ISOC1: variants seen among roughly 807,000 people sequenced by gnomAD.
The protein encoded by ISOC1 is isochorismatase domain-containing protein 1.
Under a neutral mutation model 30.0 loss-of-function variants are expected in ISOC1, and 33 were observed. The ratio of observed to expected loss-of-function variants is 1.10; its 90% CI spans 0.83 to 1.47. ISOC1 has a LOEUF of 1.47. ISOC1 is among the 40% of genes most tolerant of loss of function. The pLI is 0.00. For synonymous variants in ISOC1, 178 were observed against 159.8 expected, an observed-to-expected ratio of 1.11 and a Z score of -0.86; for missense variants, 372 against 388.0, an observed-to-expected ratio of 0.96 and a Z score of 0.35.
chr5:129,099,477 A>G (rs1364568851), intron 1 of ISOC1, among the ~76,000 whole-genome samples: 1 of 152,254 alleles, frequency 6.6e-6, no homozygotes, highest in African/African-American at 2.4e-5. Flanking sequence ...ATAAGAGCCA[A>G]TAAGTATTAT....
intron 1 of ISOC1, among the ~76,000 whole-genome samples, chr5:129,096,614 C>A (rs1230837233): frequency 6.6e-6 from 1 of 152,124 alleles, no homozygotes; most frequent in Middle Eastern, 3.2e-3. Context: ...TGTCTTCAAG[C>A]GTTTTCGTGT....
chr5:129,095,156 C>G, intron 1 of ISOC1, 81 bp downstream of exon 1: 3 of 1,370,632 alleles, frequency 2.2e-6, no homozygotes, highest in Non-Finnish European at 2.9e-6. Context: ...TCGCCGCGCT[C>G]CTCAGGTGCC....
rs369944688 is a variant in ISOC1 at position 129,094,796 on chromosome 5, G to A, written c.30G>A (p.Ala10=). ...CGGCTGCGGAGCCGGCGGTCCTTGCGCTCCCCAACAGCGGCGCCGGGGGCG... is the reference window on the plus strand; with the variant it reads ...CGGCTGCGGAGCCGGCGGTCCTTGCACTCCCCAACAGCGGCGCCGGGGGCG... MAAAEPAVL[A]LPNSGAGGAG... The change falls in exon 1 of 5, where the codon GCG becomes GCA. Residue 10 remains alanine, a synonymous_variant. Transcript: ENST00000173527. 1.3e-6 allele frequency: 2 copies of A among 1,523,446 alleles called. No homozygotes were observed. The highest frequency in any genetic ancestry group is 2.0e-5 in the Admixed American group (1 of 49,302). 94.4% of individuals were successfully genotyped at this position (1,523,446 alleles called of 1,614,324 possible). A position where few individuals can be genotyped will look rare whatever the true frequency, so the allele number is the denominator to read the frequency against.
chr5:129,104,817 A>G, intron 1 of ISOC1, 139 bp from the exon 2 acceptor site: 1 of 745,498 alleles, frequency 1.3e-6, no homozygotes, highest in Non-Finnish European at 2.1e-6. Flanking sequence ...TAATTCAGAT[A>G]CTTTTTTTGG....
intron 3 of ISOC1, 120 bp downstream of exon 3, chr5:129,105,508 C>A: frequency 1.3e-6 from 1 of 778,296 alleles, no homozygotes; most frequent in Non-Finnish European, 2.1e-6. Context: ...AGGTAGCCAC[C>A]ATGTATTATG....
Position 129,112,975 on chromosome 5 carries a change from G to A in ISOC1, c.871G>A (p.Glu291Lys). ...IQNLIKASAP[E>K]SGLLSKV ...GAATCTAATTAAGGCGAGTGCTCCAGAGTCGGGTCTGCTTTCCAAAGTATA... is the reference window on the plus strand; with the variant it reads ...GAATCTAATTAAGGCGAGTGCTCCAAAGTCGGGTCTGCTTTCCAAAGTATA... Residue 291 changes from glutamate to lysine, a missense_variant, in exon 5 of 5, where the codon GAG (glutamate) becomes AAG (lysine). Glu to Lys is a moderately conservative substitution (Grantham distance 56). Transcript: ENST00000173527. The A allele has an allele frequency of 2.5e-6, 4 of 1,613,538 alleles. No individual in the cohort carries two copies. The highest frequency in any genetic ancestry group is 3.4e-6 in the Non-Finnish European group (4 of 1,179,648).
chr5:129,097,400 T>C (rs1753516676), intron 1 of ISOC1, among the ~76,000 whole-genome samples: 1 of 152,084 alleles, frequency 6.6e-6, no homozygotes, highest in South Asian at 2.1e-4. Flanking sequence ...CACATACATA[T>C]ATATGCATAT....
chr5:129,108,897 T>C (rs925196114), intron 4 of ISOC1, among the ~76,000 whole-genome samples: 17 of 152,222 alleles, frequency 1.1e-4, no homozygotes, highest in Admixed American at 9.8e-4. Context: ...AATACTTCAT[T>C]GTCAGGTCCT....
intron 4 of ISOC1, among the ~76,000 whole-genome samples, chr5:129,107,731 A>C (rs775000574): frequency 6.6e-6 from 1 of 152,116 alleles, no homozygotes. Flanking sequence ...GCATCCAGGA[A>C]CCAGAGATGA....
chr5:129,099,256 A>T (rs1203463637), intron 1 of ISOC1, among the ~76,000 whole-genome samples: 1 of 152,168 alleles, frequency 6.6e-6, no homozygotes, highest in Non-Finnish European at 1.5e-5. Flanking sequence ...TGTAGATTCA[A>T]ATGTCATTGT....
At chr5:129,095,605 G>A (rs986987859) in intron 1 of ISOC1, among the ~76,000 whole-genome samples, 1 of 152,212 alleles carries the variant, frequency 6.6e-6, no homozygotes, top group African/African-American at 2.4e-5. Flanking sequence ...GGGCTTAAGA[G>A]TTCCCTAACC....
At chr5:129,098,601 GAC>G (rs1753535870) in intron 1 of ISOC1, among the ~76,000 whole-genome samples, 1 of 152,174 alleles carries the variant, frequency 6.6e-6, no homozygotes, top group East Asian at 1.9e-4. Flanking sequence ...GGCCAGGAAA[GAC>G]AGAGCCTGCA....
chr5:129,100,572 G>A (rs1373826987), intron 1 of ISOC1, among the ~76,000 whole-genome samples: 1 of 152,072 alleles, frequency 6.6e-6, no homozygotes, highest in Non-Finnish European at 1.5e-5. Flanking sequence ...TTTACTCCTG[G>A]TGACATTTGG....
chr5:129,099,243 C>T (rs3822830), intron 1 of ISOC1, among the ~76,000 whole-genome samples: 110,039 of 152,034 alleles, frequency 0.72, 41,198 homozygotes, highest in African/African-American at 0.92. Flanking sequence ...AAGGGAATCC[C>T]AATGTAGATT....
intron 1 of ISOC1, among the ~76,000 whole-genome samples, chr5:129,101,236 C>CT (rs1212746382): frequency 7.4e-6 from 1 of 135,012 alleles, no homozygotes; most frequent in Non-Finnish European, 1.5e-5. Context: ...TGGTTCACAC[C>CT]TGTAATCCCA....
rs534864154 is a variant in ISOC1, at chr5:129,096,324, A to T, written c.309+1249A>T. 3.9e-5 allele frequency among the ~76,000 whole-genome samples: 6 copies of T among 152,314 alleles called. No homozygotes were observed. In the South Asian group the frequency reaches 1.2e-3, roughly 32 times the overall value. On this transcript the variant is annotated intron_variant, in intron 1 of 4. Coordinates refer to ENST00000173527, the MANE Select transcript of ISOC1 (RefSeq NM_016048.2). ...ATTATCTGTGTTTTTTGTACCCATT[A>T]ACAGTGCCATTTTCTGAGGATTATT...
chr5:129,095,918 A>G (rs938524248), intron 1 of ISOC1, among the ~76,000 whole-genome samples: 2 of 152,344 alleles, frequency 1.3e-5, no homozygotes, highest in African/African-American at 2.4e-5. Flanking sequence ...AGGAAAGAAT[A>G]TAAGGTATAA....
At chr5:129,109,584 C>G (rs1753679623) in intron 4 of ISOC1, among the ~76,000 whole-genome samples, 1 of 152,158 alleles carries the variant, frequency 6.6e-6, no homozygotes, top group Non-Finnish European at 1.5e-5. Context: ...TTTGGAAGGG[C>G]CTGGAGCACC....
intron 1 of ISOC1, among the ~76,000 whole-genome samples, chr5:129,097,429 A>G (rs906897845): frequency 6.6e-6 from 1 of 152,156 alleles, no homozygotes; most frequent in Non-Finnish European, 1.5e-5. Context: ...AATCTCAGAA[A>G]GTCATGATAT....
Sources: allele counts gnomAD v4.1 joint callset (sites outside exome capture counted in the v4.1 genomes callset), GRCh38; gene constraint gnomAD v4.1.1; transcripts MANE v1.5; gene names NCBI Gene and HGNC (gene_info 2026-07-23, HGNC 2026-07-21).